Variants in PRKCE observed in about 807,000 individuals in gnomAD.
PRKCE encodes the protein protein kinase C epsilon.
PRKCE carries 16 observed loss-of-function variants against 85.4 expected under a neutral mutation model. The ratio of observed to expected loss-of-function variants is 0.19; its 90% confidence interval spans 0.13 to 0.28. PRKCE has a LOEUF of 0.28. Among genes scored for constraint, PRKCE ranks in the 10% least tolerant of loss-of-function variants. PRKCE has a pLI of 1.00. For synonymous variants in PRKCE, 388 were observed against 371.5 expected, an observed-to-expected ratio of 1.04 and a Z score of -0.51; for missense variants, 573 against 975.2, an observed-to-expected ratio of 0.59 and a Z score of 5.49.
intron 2 of PRKCE, among the ~76,000 whole-genome samples, chr2:45,884,075 C>T (rs373515728): frequency 1.3e-5 from 2 of 152,180 alleles, no homozygotes; most frequent in African/African-American, 4.8e-5. Flanking sequence ...CTCCCTGTTA[C>T]AGTTTTTAGA....
At chr2:45,694,677 C>T (rs1022552981) in intron 1 of PRKCE, among the ~76,000 whole-genome samples, 2 of 152,040 alleles carry the variant, frequency 1.3e-5, no homozygotes, top group Admixed American at 6.5e-5. Context: ...AGTGAGACTT[C>T]GAATGGTGGG....
intron 1 of PRKCE, among the ~76,000 whole-genome samples, chr2:45,661,472 G>C (rs1675638347): frequency 6.7e-6 from 1 of 148,300 alleles, no homozygotes; most frequent in South Asian, 2.1e-4. Context: ...AGAGAAGTGA[G>C]CCACTGCGCC....
At chr2:45,678,196 C>T (rs575001069) in intron 1 of PRKCE, among the ~76,000 whole-genome samples, 1 of 152,174 alleles carries the variant, frequency 6.6e-6, no homozygotes, top group South Asian at 2.1e-4. Context: ...TTTTTTAAAC[C>T]TTTAATGTTC....
At chr2:46,050,003 C>T (rs1404332472) in intron 10 of PRKCE, among the ~76,000 whole-genome samples, 1 of 151,926 alleles carries the variant, frequency 6.6e-6, no homozygotes, top group Non-Finnish European at 1.5e-5. Flanking sequence ...AAGCTGGGCC[C>T]ACCGACTGAT....
At chr2:45,910,216 C>T (rs1697284858) in intron 2 of PRKCE, among the ~76,000 whole-genome samples, 1 of 152,174 alleles carries the variant, frequency 6.6e-6, no homozygotes, top group Non-Finnish European at 1.5e-5. Context: ...TCCCATGTAA[C>T]TGGAGCCTCA....
intron 2 of PRKCE, among the ~76,000 whole-genome samples, chr2:45,869,899 G>C (rs1212953828): frequency 1.3e-5 from 2 of 151,800 alleles, no homozygotes; most frequent in Non-Finnish European, 2.9e-5. Context: ...GTAGAGACGG[G>C]GTTTCACCAT....
chr2:46,039,820 T>C (rs556867422), intron 10 of PRKCE, among the ~76,000 whole-genome samples: 31 of 152,332 alleles, frequency 2.0e-4, no homozygotes, highest in African/African-American at 7.2e-4. Context: ...CAGTGGCTCA[T>C]ATTCTCCACT....
Position 46,159,874 on chromosome 2 carries a change from C to T in PRKCE, c.2067+122C>T, listed in dbSNP as rs1440022719. 2 of 1,311,508 alleles carry T rather than the reference C, an allele frequency of 1.5e-6. No homozygotes were observed. Among genetic ancestry groups the T allele is most frequent in the African/African-American group, 1.5e-5 (1 of 66,832 alleles). The allele number at this position is 1,311,508 out of a possible 1,614,324, so 81.2% of individuals were successfully genotyped here. On this transcript the variant is annotated intron_variant, in intron 14 of 14. Transcript: ENST00000306156. The surrounding 1 kb of genome is among the most constrained non-coding windows in gnomAD (Gnocchi z 4.1). ...GTATTACAGTAAAAATGACAAAGAC[C>T]AGAGGTGGCTGAGGCTCTCCCTAAG... is the stretch of plus-strand genomic sequence containing the variant.
chr2:45,937,227 T>A (rs1053683853), intron 2 of PRKCE, among the ~76,000 whole-genome samples: 4 of 152,082 alleles, frequency 2.6e-5, no homozygotes, highest in African/African-American at 9.7e-5. Context: ...TAAAAAAAAA[T>A]TGGGGAGATT....
intron 1 of PRKCE, among the ~76,000 whole-genome samples, chr2:45,707,308 C>T (rs569248133): frequency 2.0e-5 from 3 of 152,300 alleles, no homozygotes; most frequent in African/African-American, 7.2e-5. Context: ...AAGAGTGAGT[C>T]CTAGCCAAGA....
intron 1 of PRKCE, among the ~76,000 whole-genome samples, chr2:45,752,112 C>T (rs922439821): frequency 6.6e-6 from 1 of 152,086 alleles, no homozygotes; most frequent in Non-Finnish European, 1.5e-5. Flanking sequence ...CCACCGCGCC[C>T]GGCAGCTAAC....
At chr2:45,732,996 G>A (rs926026202) in intron 1 of PRKCE, among the ~76,000 whole-genome samples, 3 of 152,304 alleles carry the variant, frequency 2.0e-5, no homozygotes, top group East Asian at 1.9e-4. Context: ...GAGTCTCTGC[G>A]AAAACAACTT....
chr2:45,837,271 T>C (rs1193016937), intron 1 of PRKCE, among the ~76,000 whole-genome samples: 4 of 152,324 alleles, frequency 2.6e-5, no homozygotes, highest in Admixed American at 1.3e-4. Flanking sequence ...TCTTTTATTT[T>C]TTTAAGACGG....
chr2:46,044,462 G>C (rs1425790884), intron 10 of PRKCE, among the ~76,000 whole-genome samples: 2 of 152,136 alleles, frequency 1.3e-5, no homozygotes, highest in African/African-American at 4.8e-5. Flanking sequence ...TTAATTTTTG[G>C]CTGGGGACAT....
At chr2:45,655,846 GAAAAAAAAAAA>G (rs34853762) in intron 1 of PRKCE, among the ~76,000 whole-genome samples, 1 of 66,260 alleles carries the variant, frequency 1.5e-5, no homozygotes, top group Non-Finnish European at 2.6e-5. Flanking sequence ...CCTGTCTCTT[GAAAAAAAAAAA>G]AAAAAAAAAA....
chr2:46,145,648 G>A lies in PRKCE; in HGVS notation c.1731+417G>A, dbSNP rs151006675. On this transcript the variant is annotated intron_variant, in intron 12 of 14. Transcript: ENST00000306156. This position sits in a 1 kb window ranked among gnomAD's most constrained non-coding sequence, Gnocchi z 4.6. Reference sequence around the variant, plus strand: ...TTTGGGAGGCCAAGGCAGGTAGATCGCTTGAGCCCAGGAGTTCAAGACCAG... The same window carrying A: ...TTTGGGAGGCCAAGGCAGGTAGATCACTTGAGCCCAGGAGTTCAAGACCAG... Among the ~76,000 whole-genome samples, 288 of 152,196 alleles carry A rather than the reference G, an allele frequency of 1.9e-3. 1 individual carries two copies. Among genetic ancestry groups the A allele is most frequent in the African/African-American group, 6.2e-3 (256 of 41,528 alleles).
intron 1 of PRKCE, among the ~76,000 whole-genome samples, chr2:45,749,100 G>C (rs1363068222): frequency 6.6e-6 from 1 of 152,062 alleles, no homozygotes; most frequent in Non-Finnish European, 1.5e-5. Context: ...ATATTGACCA[G>C]GCTGGTCTAG....
At position 46,145,487 on chromosome 2, in the gene PRKCE, C is replaced by T. The variant is rs374831692; in HGVS notation, c.1731+256C>T. On this transcript the variant is annotated intron_variant, in intron 12 of 14. Coordinates refer to ENST00000306156, the MANE Select transcript of PRKCE (RefSeq NM_005400.3). The surrounding 1 kb of genome is among the most constrained non-coding windows in gnomAD (Gnocchi z 4.6). ...CAAACCCGGGCAAGTTCACACTGAACATCTCTTTCCCATCCTAGTCCAGAA... is the reference window on the plus strand; with the variant it reads ...CAAACCCGGGCAAGTTCACACTGAATATCTCTTTCCCATCCTAGTCCAGAA... 2.7e-4 allele frequency among the ~76,000 whole-genome samples: 41 copies of T among 152,322 alleles called. No individual in the cohort carries two copies. The South Asian group carries it at 2.9e-3, about 11-fold the overall frequency.
chr2:46,019,802 T>A (rs1001796214), intron 10 of PRKCE, among the ~76,000 whole-genome samples: 22 of 151,866 alleles, frequency 1.4e-4, no homozygotes, highest in Non-Finnish European at 3.1e-4. Flanking sequence ...TATTTACCCA[T>A]TCTCCTAAAC....
Sources: allele counts gnomAD v4.1 joint callset (sites outside exome capture counted in the v4.1 genomes callset), GRCh38; gene constraint gnomAD v4.1.1; non-coding constraint Gnocchi (gnomAD v3.1); transcripts MANE v1.5; gene names NCBI Gene and HGNC (gene_info 2026-07-23, HGNC 2026-07-21).